Variants in CA10 observed in about 807,000 individuals in gnomAD.
CA10 encodes the protein carbonic anhydrase-related protein 10.
CA10 carries 14 observed loss-of-function variants against 44.2 expected under a neutral mutation model. That is an observed-to-expected ratio of 0.32 (90% CI 0.21 to 0.50). The LOEUF is 0.50. Among genes scored for constraint, CA10 ranks in the 20% least tolerant of loss-of-function variants. CA10 has a pLI of 0.99. For missense variants in CA10, 350 were observed against 409.7 expected (o/e 0.85, Z 1.26); for synonymous variants, 159 against 141.6 (o/e 1.12, Z -0.87).
At chr17:51,749,741 A>C (rs1341557988) in intron 3 of CA10, among the ~76,000 whole-genome samples, 2 of 152,198 alleles carry the variant, frequency 1.3e-5, no homozygotes, top group East Asian at 3.8e-4. Context: ...CCATACTGTT[A>C]AGCAGAGAAA....
At chr17:52,108,159 T>C (rs971268958) in intron 1 of CA10, among the ~76,000 whole-genome samples, 4 of 146,180 alleles carry the variant, frequency 2.7e-5, no homozygotes, top group Non-Finnish European at 6.0e-5. Context: ...TAGGTGTATA[T>C]ATATATTTTT....
At chr17:51,739,994 C>T (rs1465982758) in intron 4 of CA10, among the ~76,000 whole-genome samples, 2 of 151,798 alleles carry the variant, frequency 1.3e-5, no homozygotes, top group African/African-American at 4.8e-5. Context: ...CCAGGTACTC[C>T]GAATTTACTT....
At chr17:52,086,803 T>C (rs546843915) in intron 1 of CA10, among the ~76,000 whole-genome samples, 27 of 152,292 alleles carry the variant, frequency 1.8e-4, no homozygotes, top group African/African-American at 6.5e-4. Flanking sequence ...TAAAATGGGG[T>C]CTCAAAGATG....
chr17:51,691,070 C>T (rs945865128), intron 4 of CA10, among the ~76,000 whole-genome samples: 3 of 152,146 alleles, frequency 2.0e-5, no homozygotes, highest in South Asian at 2.1e-4. Flanking sequence ...TATACTGATT[C>T]CATATCCTTT....
At chr17:51,918,220 T>C (rs927743530) in intron 3 of CA10, among the ~76,000 whole-genome samples, 8 of 152,336 alleles carry the variant, frequency 5.3e-5, no homozygotes, top group Admixed American at 5.2e-4. Context: ...TTCTCCATCA[T>C]AGTGCAAGTA....
At chr17:52,143,686 C>G (rs1039752954) in intron 1 of CA10, among the ~76,000 whole-genome samples, 1 of 152,118 alleles carries the variant, frequency 6.6e-6, no homozygotes, top group African/African-American at 2.4e-5. Flanking sequence ...GGTCTACACT[C>G]AGCTTCTCTA....
chr17:52,126,769 A>G (rs1342608882), intron 1 of CA10, among the ~76,000 whole-genome samples: 1 of 152,202 alleles, frequency 6.6e-6, no homozygotes, highest in Non-Finnish European at 1.5e-5. Context: ...GAAACTTAGG[A>G]ATCAAATTTA....
At chr17:51,898,273 T>A (rs1397180393) in intron 3 of CA10, among the ~76,000 whole-genome samples, 2 of 152,056 alleles carry the variant, frequency 1.3e-5, no homozygotes, top group Non-Finnish European at 2.9e-5. Context: ...TTTAAAATGT[T>A]GAATTTTATT....
chr17:52,096,136 A>C (rs975665311), intron 1 of CA10, among the ~76,000 whole-genome samples: 12 of 152,142 alleles, frequency 7.9e-5, no homozygotes, highest in Non-Finnish European at 1.5e-4. Context: ...ATGGGTACTA[A>C]GGTTCACCTG....
At chr17:51,910,119 G>A (rs1981728657) in intron 3 of CA10, among the ~76,000 whole-genome samples, 1 of 152,028 alleles carries the variant, frequency 6.6e-6, no homozygotes, top group Non-Finnish European at 1.5e-5. Flanking sequence ...TAACAGAAGG[G>A]GAGGCTCATG....
chr17:51,934,821 C>A (rs752283942), intron 2 of CA10, among the ~76,000 whole-genome samples: 1 of 152,060 alleles, frequency 6.6e-6, no homozygotes, highest in South Asian at 2.1e-4. Flanking sequence ...AGTGTTGGGA[C>A]AATAATTAAG....
At chr17:52,092,814 T>A (rs1988303052) in intron 1 of CA10, among the ~76,000 whole-genome samples, 1 of 152,184 alleles carries the variant, frequency 6.6e-6, no homozygotes, top group South Asian at 2.1e-4. Context: ...ATGGAGCTCA[T>A]CTTCTTAAAC....
intron 4 of CA10, among the ~76,000 whole-genome samples, chr17:51,717,547 A>C (rs1916153704): frequency 7.1e-6 from 1 of 139,880 alleles, no homozygotes; most frequent in Non-Finnish European, 1.5e-5. Context: ...ATATATATAT[A>C]TATATATATA....
chr17:51,883,189 C>T (rs1187660482), intron 3 of CA10, among the ~76,000 whole-genome samples: 4 of 152,184 alleles, frequency 2.6e-5, no homozygotes, highest in Admixed American at 1.3e-4. Context: ...CTTGGACATA[C>T]ACACACATAC....
intron 3 of CA10, among the ~76,000 whole-genome samples, chr17:51,797,354 G>GCACGCGTGCACGCACA (rs1906751119): frequency 2.6e-5 from 4 of 152,160 alleles, no homozygotes; most frequent in South Asian, 2.1e-4. Flanking sequence ...GCGCGCGCAC[G>GCACGCGTGCACGCACA]CACGCGTGCA....
chr17:51,858,413 C>T (rs1228334918), intron 3 of CA10, among the ~76,000 whole-genome samples: 4 of 152,134 alleles, frequency 2.6e-5, no homozygotes, highest in Non-Finnish European at 4.4e-5. Context: ...ACCCCTTCCA[C>T]CAATTTTCAG....
chr17:52,060,448 G>T (rs1318695058), intron 2 of CA10, among the ~76,000 whole-genome samples: 1 of 152,092 alleles, frequency 6.6e-6, no homozygotes, highest in Non-Finnish European at 1.5e-5. Context: ...ATCCAGGTTG[G>T]TTTCTTAGTT....
chr17:52,007,447 C>G (rs1985638630), intron 2 of CA10, among the ~76,000 whole-genome samples: 1 of 151,432 alleles, frequency 6.6e-6, no homozygotes, highest in Non-Finnish European at 1.5e-5. Context: ...ATGAATAATG[C>G]TAAAATTTAG....
intron 2 of CA10, among the ~76,000 whole-genome samples, chr17:52,063,258 G>T (rs1355388654): frequency 6.6e-6 from 1 of 152,190 alleles, no homozygotes; most frequent in Non-Finnish European, 1.5e-5. Context: ...CAGGCTCATA[G>T]GTGGAAGGAA....
Sources: allele counts gnomAD v4.1 joint callset (sites outside exome capture counted in the v4.1 genomes callset), GRCh38; gene constraint gnomAD v4.1.1; transcripts MANE v1.5; gene names NCBI Gene and HGNC (gene_info 2026-07-23, HGNC 2026-07-21).